The following MYT1 variants were observed in gnomAD, a reference collection of about 807,000 sequenced individuals.
MYT1 encodes myelin transcription factor 1.
Under a neutral mutation model 123.0 loss-of-function variants are expected in MYT1, and 23 were observed. The ratio of observed to expected loss-of-function variants is 0.19; its 90% CI spans 0.13 to 0.26. The LOEUF is 0.26. MYT1 is among the 10% of genes least tolerant of loss of function. The probability of loss-of-function intolerance (pLI) is 1.00; values close to 1 mark genes in which losing one functional copy is unlikely to be tolerated. For synonymous variants in MYT1, 518 were observed against 575.3 expected (o/e 0.90, Z 1.43); for missense variants, 1,125 against 1,472.5 (o/e 0.76, Z 3.86).
intron 1 of MYT1, among the ~76,000 whole-genome samples, chr20:64,170,278 T>C (rs1982211529): frequency 6.6e-6 from 1 of 152,116 alleles, no homozygotes; most frequent in African/African-American, 2.4e-5. Flanking sequence ...GAAATCCCGC[T>C]CTCGGGATGC....
At chr20:64,172,551 C>T (rs182548131) in intron 1 of MYT1, among the ~76,000 whole-genome samples, 6,067 of 152,194 alleles carry the variant, frequency 0.04, 198 homozygotes, top group South Asian at 0.18. Context: ...TGGCCATTTC[C>T]TTTCTTTTTG....
At position 64,199,894 on chromosome 20, in the gene MYT1, C is replaced by G. The variant is rs1394820104; in HGVS notation, c.58C>G (p.Pro20Ala). The change falls in exon 4 of 23, where the codon CCC (proline) becomes GCC (alanine). Residue 20 changes from proline to alanine, a missense_variant and splice_region_variant. Around this residue, in one of 4 missense-constraint regions of MYT1, gnomAD observed 406 missense variants for 432.2 expected, o/e 0.94. Coordinates refer to ENST00000328439, the MANE Select transcript of MYT1 (RefSeq NM_004535.3). ...ARTRSKALRG[P>A]PETTAADLSC... The stretch of plus-strand genomic sequence containing the variant: ...CCCTGTTTCTGTCTTTTTCCCAGGA[C>G]CCCCAGAGACCACAGCTGCAGACCT... 1 of 1,614,024 alleles carries G rather than the reference C, an allele frequency of 6.2e-7. No individual in the cohort carries two copies. The highest frequency in any genetic ancestry group is 1.7e-5 in the Admixed American group (1 of 60,024).
Position 64,213,894 on chromosome 20 carries a change from G to T in MYT1, c.1631+247G>T, listed in dbSNP as rs1983757960. 6.6e-6 allele frequency among the ~76,000 whole-genome samples: 1 copy of T among 152,206 alleles called. No homozygotes were observed. The highest frequency in any genetic ancestry group is 1.5e-5 in the Non-Finnish European group (1 of 68,046). The stretch of plus-strand genomic sequence containing the variant: ...CACATTCGCCAGTGCCTCAGCCAAA[G>T]CGCAAACTCCTGCACAGTTGCCTCT... On this transcript the variant is annotated intron_variant, in intron 10 of 22. Transcript: ENST00000328439. The surrounding 1 kb of genome is among the most constrained non-coding windows in gnomAD (Gnocchi z 5.6).
intron 1 of MYT1, among the ~76,000 whole-genome samples, chr20:64,170,926 G>GAGAC (rs1982256634): frequency 7.8e-6 from 1 of 128,396 alleles, no homozygotes; most frequent in Non-Finnish European, 1.7e-5. Flanking sequence ...GAGAGAGAGA[G>GAGAC]AGAGAGAGAC....
At chr20:64,199,726 A>T (rs939585810) in intron 3 of MYT1, among the ~76,000 whole-genome samples, 166 bp from the exon 4 acceptor site, 1 of 152,214 alleles carries the variant, frequency 6.6e-6, no homozygotes, top group Non-Finnish European at 1.5e-5. Context: ...CTGGGAGGTC[A>T]GGAAAGGGTG....
Position 64,232,427 on chromosome 20 carries a change from G to C in MYT1, c.2897+42G>C. ...GTCCTGCCCCTCTGTGCAGTCAGTA[G>C]GGACCCTCGCCTGGGGCCTGGGGCT... is the stretch of plus-strand genomic sequence containing the variant. On this transcript the variant is annotated intron_variant, in intron 19 of 22. Coordinates refer to ENST00000328439, the MANE Select transcript of MYT1 (RefSeq NM_004535.3). The surrounding 1 kb of genome is among the most constrained non-coding windows in gnomAD (Gnocchi z 6.9). 6.3e-7 allele frequency: 1 copy of C among 1,593,988 alleles called. No homozygotes were observed. The highest frequency in any genetic ancestry group is 8.6e-7 in the Non-Finnish European group (1 of 1,163,642).
chr20:64,188,163 A>G (rs940646215), intron 1 of MYT1, among the ~76,000 whole-genome samples: 2 of 152,054 alleles, frequency 1.3e-5, no homozygotes, highest in African/African-American at 4.8e-5. Flanking sequence ...TGAGCTGGTT[A>G]TCTCCCACCA....
chr20:64,219,830 T>C lies in MYT1; in HGVS notation c.2089T>C (p.Ser697Pro). The change falls in exon 13 of 23, where the codon TCT becomes CCT. Residue 697 changes from serine (S) to proline (P), a missense_variant. Coordinates refer to ENST00000328439, the MANE Select transcript of MYT1 (RefSeq NM_004535.3). ...CTGCAGCAGCAGCCCCGGTGTGAAGTCTCCCGACGCCTCCCAGCGCCACAG... is the reference window on the plus strand; with the variant it reads ...CTGCAGCAGCAGCCCCGGTGTGAAGCCTCCCGACGCCTCCCAGCGCCACAG... ...SSCSSSPGVK[S>P]PDASQRHSST... The C allele has an allele frequency of 3.1e-6, 5 of 1,612,498 alleles. No homozygotes were observed. Among genetic ancestry groups the C allele is most frequent in the Non-Finnish European group, 4.2e-6 (5 of 1,179,380 alleles).
intron 1 of MYT1, among the ~76,000 whole-genome samples, chr20:64,179,067 A>G (rs550441464): frequency 2.1e-4 from 26 of 121,854 alleles, no homozygotes; most frequent in Admixed American, 4.1e-4. Context: ...TCAGTGGGAT[A>G]CCCTTCAACG....
rs375295469 is a variant in MYT1 at position 64,240,496 on chromosome 20, C to T, written c.*48C>T. ...CCCAGCCCACCACACCGTTTACCTCCCTCGCCCTGCCCCGCACCGTGGGGA... is the reference window on the plus strand; with the variant it reads ...CCCAGCCCACCACACCGTTTACCTCTCTCGCCCTGCCCCGCACCGTGGGGA... On this transcript the variant is annotated 3_prime_UTR_variant, in exon 23 of 23. Coordinates refer to ENST00000328439, the MANE Select transcript of MYT1 (RefSeq NM_004535.3). 1 of 1,587,044 alleles carries T rather than the reference C, an allele frequency of 6.3e-7. No individual in the cohort carries two copies. Among genetic ancestry groups the T allele is most frequent in the Non-Finnish European group, 8.6e-7 (1 of 1,168,490 alleles).
At chr20:64,177,122 GTAT>G (rs1304553026) in intron 1 of MYT1, among the ~76,000 whole-genome samples, 1 of 152,208 alleles carries the variant, frequency 6.6e-6, no homozygotes, top group African/African-American at 2.4e-5. Context: ...AGTTACATCT[GTAT>G]TATTTTCTCA....
intron 2 of MYT1, among the ~76,000 whole-genome samples, chr20:64,195,358 G>C (rs1338728872): frequency 8.6e-5 from 2 of 23,262 alleles, no homozygotes; most frequent in Non-Finnish European, 1.5e-4. Context: ...TGAGAACTGT[G>C]TGTGTGTGTG....
rs773731120 is a variant in MYT1 at position 64,221,982 on chromosome 20, G to A, written c.2331G>A (p.Gly777=). 1.2e-6 allele frequency: 2 copies of A among 1,613,520 alleles called. No homozygotes were observed. Among genetic ancestry groups the A allele is most frequent in the African/African-American group, 1.3e-5 (1 of 74,918 alleles). ...ATTTTGAGGAGCGGAAGTATCCGGG[G>A]GAAGTCACCCTGACCAACTTTAAGC... ...EENFEERKYP[G]EVTLTNFKLK... is the part of the protein sequence containing the mutation. Residue 777 remains glycine (G), a synonymous_variant, in exon 14 of 23, where the codon GGG becomes GGA. Coordinates refer to ENST00000328439, the MANE Select transcript of MYT1 (RefSeq NM_004535.3).
intron 1 of MYT1, among the ~76,000 whole-genome samples, chr20:64,178,952 A>G (rs1201285805): frequency 7.3e-6 from 1 of 137,380 alleles, no homozygotes; most frequent in African/African-American, 2.8e-5. Context: ...ATACCCTTCA[A>G]CGTGGGAGCA....
At chr20:64,198,018 G>T (rs1042247866) in intron 2 of MYT1, among the ~76,000 whole-genome samples, 1 of 152,184 alleles carries the variant, frequency 6.6e-6, no homozygotes, top group Non-Finnish European at 1.5e-5. Context: ...GGGCGCGGTG[G>T]CTCACGCCTG....
At chr20:64,235,706 G>A (rs868574894) in intron 19 of MYT1, among the ~76,000 whole-genome samples, 1 of 143,068 alleles carries the variant, frequency 7.0e-6, no homozygotes, top group African/African-American at 2.8e-5. Context: ...GGTGACCCTT[G>A]GCTGGCCGTG....
chr20:64,180,836 T>A (rs1421160483), intron 1 of MYT1, among the ~76,000 whole-genome samples: 3 of 152,238 alleles, frequency 2.0e-5, no homozygotes, highest in Non-Finnish European at 4.4e-5. Context: ...CATACAAGAT[T>A]TTGTGGTTTG....
chr20:64,215,654 A>T (rs2145721834), intron 10 of MYT1, among the ~76,000 whole-genome samples: 1 of 152,042 alleles, frequency 6.6e-6, no homozygotes, highest in South Asian at 2.1e-4. Flanking sequence ...TTTCAATCAT[A>T]ACTCACTATA....
intron 19 of MYT1, among the ~76,000 whole-genome samples, 172 bp from the exon 20 acceptor site, chr20:64,236,383 G>T (rs1469505590): frequency 6.6e-6 from 1 of 150,388 alleles, no homozygotes. Flanking sequence ...CCCTGGGATG[G>T]CCGTGGTGGG....
Sources: gnomAD v4.1 joint callset for allele counts (sites outside exome capture counted in the v4.1 genomes callset) on GRCh38, gnomAD v4.1.1 for gene constraint, gnomAD v4.1.1 regional missense constraint, Gnocchi (gnomAD v3.1) non-coding constraint, MANE v1.5 for transcripts, NCBI Gene and HGNC (gene_info 2026-07-23, HGNC 2026-07-21) for gene names.